The following GMEB1 variants were observed in gnomAD, a reference collection of about 807,000 sequenced individuals.
GMEB1 encodes glucocorticoid modulatory element-binding protein 1.
Under a neutral mutation model 52.4 loss-of-function variants are expected in GMEB1, and 6 were observed. The observed-to-expected ratio is 0.11, with a 90% CI of 0.06 to 0.23. The LOEUF (loss-of-function observed/expected upper bound fraction) is 0.23. Among genes scored for constraint, GMEB1 ranks in the 10% least tolerant of loss-of-function variants. The pLI is 1.00. For synonymous variants in GMEB1, 255 were observed against 244.9 expected, an observed-to-expected ratio of 1.04 and a Z score of -0.38; for missense variants, 486 against 685.6, an observed-to-expected ratio of 0.71 and a Z score of 3.25.
At position 28,673,075 on chromosome 1, in the gene GMEB1, A is replaced by G. The variant is rs1031918934; in HGVS notation, c.-31+4236A>G. ...TACGCCCGGCTAATTTTGTATTTTT[A>G]GTAGAGACGTGGTTTCTCCATGTTG... is the stretch of plus-strand genomic sequence containing the variant. On this transcript the variant is annotated intron_variant, in intron 1 of 9. Transcript: ENST00000373816. Among the ~76,000 whole-genome samples, 9 of 151,810 alleles carry G rather than the reference A, an allele frequency of 5.9e-5. No homozygotes were observed. In the East Asian group the frequency reaches 1.6e-3, roughly 26 times the overall value.
chr1:28,671,230 C>T (rs568574908), intron 1 of GMEB1, among the ~76,000 whole-genome samples: 2 of 152,228 alleles, frequency 1.3e-5, no homozygotes, highest in East Asian at 3.9e-4. Context: ...TTTTTCCCCC[C>T]GTTTTAAACA....
chr1:28,714,858 C>A lies in GMEB1; in HGVS notation c.*85C>A, dbSNP rs1207544796. On this transcript the variant is annotated 3_prime_UTR_variant, in exon 10 of 10. Coordinates refer to ENST00000373816, the MANE Select transcript of GMEB1 (RefSeq NM_001319674.2). ...TTTATCATTGTCCCACTCATTTCCA[C>A]ATAGGACCCTTTTTTAAAAAAAAAA... The A allele has an allele frequency of 6.8e-6, 6 of 884,790 alleles. No individual in the cohort carries two copies. The highest frequency in any genetic ancestry group is 5.3e-5 in the Admixed American group (2 of 37,720). 54.8% of individuals were successfully genotyped at this position (884,790 alleles called of 1,614,324 possible).
chr1:28,692,712 T>C (rs973903590), intron 4 of GMEB1, among the ~76,000 whole-genome samples: 2 of 152,166 alleles, frequency 1.3e-5, no homozygotes, highest in Non-Finnish European at 2.9e-5. Context: ...TTAATATATT[T>C]ATCTCTGATC....
intron 1 of GMEB1, among the ~76,000 whole-genome samples, chr1:28,674,238 C>G (rs1049218165): frequency 6.6e-6 from 1 of 151,702 alleles, no homozygotes; most frequent in Non-Finnish European, 1.5e-5. Context: ...ACTCCAGAGG[C>G]TGAGGTGGGA....
intron 5 of GMEB1, among the ~76,000 whole-genome samples, chr1:28,694,242 G>A (rs1670095266): frequency 6.7e-6 from 1 of 149,258 alleles, no homozygotes; most frequent in African/African-American, 2.5e-5. Flanking sequence ...CCAGGCTGGA[G>A]TGCAGTGGCG....
At chr1:28,708,463 C>A (rs1196565859) in intron 8 of GMEB1, among the ~76,000 whole-genome samples, 1 of 146,948 alleles carries the variant, frequency 6.8e-6, no homozygotes, top group African/African-American at 2.5e-5. Context: ...CGTGCCTGGC[C>A]CAATTTTGTT....
chr1:28,671,366 C>G (rs1557492062), intron 1 of GMEB1, among the ~76,000 whole-genome samples: 1 of 152,212 alleles, frequency 6.6e-6, no homozygotes, highest in East Asian at 1.9e-4. Context: ...ATCCTCTCAG[C>G]TCAGCCTCCT....
chr1:28,696,576 T>A (rs1363712624), intron 5 of GMEB1, among the ~76,000 whole-genome samples: 1 of 152,172 alleles, frequency 6.6e-6, no homozygotes, highest in Admixed American at 6.6e-5. Flanking sequence ...TGGATCCAAT[T>A]ATAAGGACAT....
At chr1:28,698,446 C>T (rs765013544) in intron 6 of GMEB1, among the ~76,000 whole-genome samples, 1 of 149,452 alleles carries the variant, frequency 6.7e-6, no homozygotes, top group Non-Finnish European at 1.5e-5. Context: ...GAGGCCAAAG[C>T]GGGCAGATCT....
intron 8 of GMEB1, among the ~76,000 whole-genome samples, chr1:28,706,083 G>A (rs946324880): frequency 6.6e-6 from 1 of 151,920 alleles, no homozygotes; most frequent in Admixed American, 6.6e-5. Context: ...GAACCCGGGA[G>A]GCAGAACATG....
At chr1:28,707,600 G>T (rs1035283989) in intron 8 of GMEB1, among the ~76,000 whole-genome samples, 3 of 152,204 alleles carry the variant, frequency 2.0e-5, no homozygotes, top group Admixed American at 2.0e-4. Context: ...TGAGCTGTGA[G>T]TGGTGATGCC....
In GMEB1 at chr1:28,714,743, C is replaced by T. The variant is rs1448836996; in HGVS notation, c.1662C>T (p.His554=). The T allele has an allele frequency of 3.7e-6, 6 of 1,613,490 alleles. No homozygotes were observed. The highest frequency in any genetic ancestry group is 5.1e-6 in the Non-Finnish European group (6 of 1,179,520). ...AEMEEHQHQV[H]NVEIVVLED ...TGGAAGAACACCAGCATCAAGTTCA[C>T]AATGTGGAGATTGTGGTCTTAGAGG... is the stretch of plus-strand genomic sequence containing the variant. Residue 554 remains histidine, a synonymous_variant, in exon 10 of 10, where the codon CAC becomes CAT. Coordinates refer to ENST00000373816, the MANE Select transcript of GMEB1 (RefSeq NM_001319674.2).
intron 6 of GMEB1, among the ~76,000 whole-genome samples, chr1:28,700,486 C>T (rs1277935710): frequency 6.8e-6 from 1 of 146,562 alleles, no homozygotes; most frequent in Non-Finnish European, 1.5e-5. Context: ...TGCATTCCAG[C>T]CTGGGCGACA....
Position 28,708,906 on chromosome 1 carries a change from C to A in GMEB1, c.869-1614C>A, listed in dbSNP as rs559883644. On this transcript the variant is annotated intron_variant, in intron 8 of 9. Transcript: ENST00000373816. The stretch of plus-strand genomic sequence containing the variant: ...CAGCACTTTGGGAGGCCGAGGCGGG[C>A]AGATCACAAGGTCAGGAGATCAAGA... Among the ~76,000 whole-genome samples, 16 of 151,970 alleles carry A rather than the reference C, an allele frequency of 1.1e-4. No homozygotes were observed. In the South Asian group the frequency reaches 1.9e-3, roughly 18 times the overall value.
rs115683605 is a variant in GMEB1 at position 28,700,893 on chromosome 1, G to T, written c.599-1545G>T. Among the ~76,000 whole-genome samples the T allele has an allele frequency of 3.7e-3, 560 of 152,110 alleles. 7 individuals are homozygous for T. The highest frequency in any genetic ancestry group is 0.013 in the African/African-American group (535 of 41,504). ...TACAGTTGGCCCTTGAACAATATGGGTTTGATTGGTGGGGGTCCACTTTTA... is the reference window on the plus strand; with the variant it reads ...TACAGTTGGCCCTTGAACAATATGGTTTTGATTGGTGGGGGTCCACTTTTA... On this transcript the variant is annotated intron_variant, in intron 6 of 9. Transcript: ENST00000373816.
intron 8 of GMEB1, among the ~76,000 whole-genome samples, chr1:28,705,027 G>C (rs527471189): frequency 1.3e-4 from 20 of 149,006 alleles, no homozygotes; most frequent in African/African-American, 4.5e-4. Flanking sequence ...ATGCTGCAGT[G>C]AGCTATGATC....
At chr1:28,703,644 G>T (rs1324009556) in intron 7 of GMEB1, among the ~76,000 whole-genome samples, 1 of 151,468 alleles carries the variant, frequency 6.6e-6, no homozygotes, top group Non-Finnish European at 1.5e-5. Flanking sequence ...TGGGCAACAA[G>T]AACGAAACTC....
At chr1:28,688,913 A>G (rs889853946) in intron 2 of GMEB1, among the ~76,000 whole-genome samples, 3 of 53,646 alleles carry the variant, frequency 5.6e-5, no homozygotes, top group African/African-American at 2.2e-4. Context: ...CTTTTTTGAG[A>G]CAGAGTCTTG....
chr1:28,707,942 A>T (rs1670858150), intron 8 of GMEB1, among the ~76,000 whole-genome samples: 1 of 151,504 alleles, frequency 6.6e-6, no homozygotes. Flanking sequence ...TCTGTCATCC[A>T]GGCTAGAGTG....
Sources: allele counts gnomAD v4.1 joint callset (sites outside exome capture counted in the v4.1 genomes callset), GRCh38; gene constraint gnomAD v4.1.1; transcripts MANE v1.5; gene names NCBI Gene and HGNC (gene_info 2026-07-23, HGNC 2026-07-21).